The following RSF1 variants were observed in gnomAD, a reference collection of about 807,000 sequenced individuals.
RSF1 encodes the protein remodeling and spacing factor 1.
A neutral mutation model predicts 145.2 loss-of-function variants in RSF1; 13 were observed. That is an observed-to-expected ratio of 0.09 (90% CI 0.06 to 0.14). The LOEUF (loss-of-function observed/expected upper bound fraction) is 0.14, where lower values mean the gene tolerates loss of function less well. RSF1 is among the 10% of genes least tolerant of loss of function. The pLI is 1.00. For synonymous variants in RSF1, 577 were observed against 592.6 expected (o/e 0.97, Z 0.38); for missense variants, 1,517 against 1,718.2 (o/e 0.88, Z 2.07).
intron 5 of RSF1, among the ~76,000 whole-genome samples, chr11:77,715,779 T>G (rs7109704): frequency 0.18 from 27,378 of 149,658 alleles, 3,106 homozygotes; most frequent in African/African-American, 0.3. Flanking sequence ...AAAATAGTAG[T>G]TTTTTTTCCT....
intron 1 of RSF1, among the ~76,000 whole-genome samples, chr11:77,782,749 C>T (rs536867503): frequency 6.6e-6 from 1 of 152,102 alleles, no homozygotes; most frequent in African/African-American, 2.4e-5. Flanking sequence ...TATTGGAACA[C>T]AAAAAATGTA....
At chr11:77,749,381 G>A (rs1242857424) in intron 2 of RSF1, among the ~76,000 whole-genome samples, 1 of 152,164 alleles carries the variant, frequency 6.6e-6, no homozygotes, top group African/African-American at 2.4e-5. Flanking sequence ...CCTGAATGAA[G>A]CACTTATTGA....
chr11:77,739,583 G>A (rs1183048876), intron 4 of RSF1: 5 of 152,092 alleles, frequency 3.3e-5, no homozygotes, highest in South Asian at 2.1e-4. Flanking sequence ...GCTTTTCTAC[G>A]GGTTATTTTT....
At chr11:77,854,823 C>A in the RSF1 span, among the ~76,000 whole-genome samples, 4 of 152,196 alleles carry the variant, frequency 2.6e-5, no homozygotes, top group Non-Finnish European at 4.4e-5. Context: ...GCTCCAACCC[C>A]ACATTTGCCC....
chr11:77,778,699 T>C (rs1263115273), intron 1 of RSF1, among the ~76,000 whole-genome samples: 1 of 152,188 alleles, frequency 6.6e-6, no homozygotes, highest in Non-Finnish European at 1.5e-5. Flanking sequence ...CAGGACTAAA[T>C]GGACTCTTCA....
chr11:77,871,909 G>A, the RSF1 span, among the ~76,000 whole-genome samples: 1 of 152,322 alleles, frequency 6.6e-6, no homozygotes, highest in African/African-American at 2.4e-5. Flanking sequence ...TAGTAAGGAT[G>A]TAAATCCAAG....
chr11:77,842,099 A>T, the RSF1 span, among the ~76,000 whole-genome samples: 3 of 152,174 alleles, frequency 2.0e-5, no homozygotes, highest in Admixed American at 2.0e-4. Context: ...ATATGCCTTT[A>T]ATTTTATTTC....
chr11:77,826,012 T>C, the RSF1 span, among the ~76,000 whole-genome samples: 1 of 152,186 alleles, frequency 6.6e-6, no homozygotes, highest in South Asian at 2.1e-4. Flanking sequence ...TTGAGACTTA[T>C]GCATGAGTCT....
chr11:77,709,752 C>A (rs1300936872), intron 5 of RSF1, among the ~76,000 whole-genome samples: 1 of 151,870 alleles, frequency 6.6e-6, no homozygotes, highest in African/African-American at 2.4e-5. Flanking sequence ...GTCACCCAGG[C>A]TAGAGTGCAC....
chr11:77,735,045 G>A (rs920952464), intron 4 of RSF1: 2 of 1,364,814 alleles, frequency 1.5e-6, no homozygotes, highest in Non-Finnish European at 1.0e-6. Context: ...CTAAGGAGAG[G>A]TGGCGGCGGT....
Position 77,752,205 on chromosome 11 carries a change from A to G in RSF1, c.280-5077T>C, listed in dbSNP as rs536594836. Among the ~76,000 whole-genome samples the G allele has an allele frequency of 2.0e-5, 3 of 152,350 alleles. No individual in the cohort carries two copies. In the East Asian group the frequency reaches 5.8e-4, roughly 29 times the overall value. On this transcript the variant is annotated intron_variant, in intron 2 of 15. Coordinates refer to ENST00000308488, the MANE Select transcript of RSF1 (RefSeq NM_016578.4). ...CAGCCTGAAAAATCGAGCTGCAAACATAAATATGGAAGCTGAAAGGTTGCA... is the reference window on the plus strand; with the variant it reads ...CAGCCTGAAAAATCGAGCTGCAAACGTAAATATGGAAGCTGAAAGGTTGCA...
At chr11:77,843,035 G>A in the RSF1 span, among the ~76,000 whole-genome samples, 1 of 152,110 alleles carries the variant, frequency 6.6e-6, no homozygotes, top group Non-Finnish European at 1.5e-5. Context: ...TATCTTAGGT[G>A]TGTTCCTAGG....
chr11:77,813,532 G>T lies in RSF1; in HGVS notation c.187+6996C>A. The stretch of plus-strand genomic sequence containing the variant: ...GGTATTCGAACTGGTCCTTTCACTT[G>T]GAGATTCTTTGCCTCTGCTCCTCTG... On this transcript the variant is annotated intron_variant, in intron 1 of 15. Transcript: ENST00000308488. 15 of 750,514 alleles carry T rather than the reference G, an allele frequency of 2.0e-5. 1 individual carries two copies. The South Asian group carries it at 2.1e-4, about 10-fold the overall frequency. 46.5% of individuals were successfully genotyped at this position (750,514 alleles called of 1,614,324 possible). A position where few individuals can be genotyped will look rare whatever the true frequency, so the allele number is the denominator to read the frequency against.
chr11:77,800,725 G>A (rs933035885), intron 1 of RSF1, among the ~76,000 whole-genome samples: 9 of 152,048 alleles, frequency 5.9e-5, no homozygotes, highest in African/African-American at 2.2e-4. Flanking sequence ...AGCTAGGCTT[G>A]GTGGCAAACA....
the RSF1 span, among the ~76,000 whole-genome samples, chr11:77,853,273 AGTTTCTAAAGAAAAGAG>A: frequency 6.6e-6 from 1 of 152,232 alleles, no homozygotes; most frequent in Admixed American, 6.5e-5. Flanking sequence ...GAGACTGGTT[AGTTTCTAAAGAAAAGAG>A]GTTTCATTGG....
Position 77,675,037 on chromosome 11 carries a change from A to G in RSF1, c.3561T>C (p.Ser1187=), listed in dbSNP as rs750545168. The change falls in exon 14 of 16, where the codon TCT becomes TCC. Residue 1187 remains serine, a splice_region_variant and synonymous_variant. Transcript: ENST00000308488. ...CATATGGTTACAGATTATTTTTACC[A>G]GAGTCTCTACTATTCTCCTCAGATT... The part of the protein sequence containing the change: ...EEESEENSRD[S]ESDFSDDFSD... The G allele has an allele frequency of 6.3e-7, 1 of 1,584,772 alleles. No homozygotes were observed. The highest frequency in any genetic ancestry group is 8.6e-7 in the Non-Finnish European group (1 of 1,168,680).
At chr11:77,731,919 G>A (rs897613742) in intron 4 of RSF1, among the ~76,000 whole-genome samples, 4 of 152,260 alleles carry the variant, frequency 2.6e-5, no homozygotes, top group African/African-American at 7.2e-5. Flanking sequence ...GAAGGGAAAT[G>A]TGGGATCAGA....
intron 14 of RSF1, among the ~76,000 whole-genome samples, chr11:77,673,555 CTG>C (rs1331538875): frequency 1.3e-5 from 2 of 152,160 alleles, no homozygotes; most frequent in Non-Finnish European, 2.9e-5. Flanking sequence ...CGAGTTTACA[CTG>C]TCATAAATAA....
chr11:77,701,824 CCTTTGTCTCATAAAA>C lies in RSF1; in HGVS notation c.1390_1404del (p.Phe464_Lys468del), dbSNP rs1466825240. 1 of 1,614,034 alleles carries C rather than the reference CCTTTGTCTCATAAAA, an allele frequency of 6.2e-7. No individual in the cohort carries two copies. Among genetic ancestry groups the C allele is most frequent in the Non-Finnish European group, 8.5e-7 (1 of 1,179,978 alleles). On this transcript the variant is annotated inframe_deletion, in exon 6 of 16. Coordinates refer to ENST00000308488, the MANE Select transcript of RSF1 (RefSeq NM_016578.4). ...TCCTTAGAGGGGCTATAGCTCTCTT[CCTTTGTCTCATAAAA>C]CTTTGTCTCTATTGGTTCTGTCTTA...
Sources: allele counts gnomAD v4.1 joint callset (sites outside exome capture counted in the v4.1 genomes callset), GRCh38; gene constraint gnomAD v4.1.1; transcripts MANE v1.5; gene names NCBI Gene and HGNC (gene_info 2026-07-23, HGNC 2026-07-21).